Variants in TINAG observed in about 807,000 individuals in gnomAD.
The protein encoded by TINAG is tubulointerstitial nephritis antigen.
TINAG carries 83 observed loss-of-function variants against 72.7 expected under a neutral mutation model. The observed-to-expected ratio is 1.14, with a 90% CI of 0.96 to 1.37. The LOEUF (loss-of-function observed/expected upper bound fraction) is 1.37, where lower values mean the gene tolerates loss of function less well. Ranked by LOEUF, TINAG falls within the 40% of genes most tolerant of loss-of-function variation. The pLI is 0.00. For missense variants in TINAG, 685 were observed against 576.6 expected, an observed-to-expected ratio of 1.19 and a Z score of -1.93; for synonymous variants, 234 against 189.9, an observed-to-expected ratio of 1.23 and a Z score of -1.91.
chr6:54,359,332 G>A (rs1483073659), intron 9 of TINAG, among the ~76,000 whole-genome samples: 1 of 151,446 alleles, frequency 6.6e-6, no homozygotes, highest in Non-Finnish European at 1.5e-5. Context: ...CCAATCTAGG[G>A]GCTTCCTTGA....
intron 2 of TINAG, 33 bp downstream of exon 2, chr6:54,320,675 T>C: frequency 6.5e-7 from 1 of 1,531,958 alleles, no homozygotes; most frequent in Non-Finnish European, 8.9e-7. Context: ...AACTGAGTTC[T>C]ACTGTGTGTG....
intron 1 of TINAG, among the ~76,000 whole-genome samples, chr6:54,310,583 C>CTTCT (rs371951227): frequency 1.4e-5 from 2 of 141,702 alleles, no homozygotes; most frequent in East Asian, 4.2e-4. Flanking sequence ...TCTTTCTTCT[C>CTTCT]TTCTTTCTTT....
intron 9 of TINAG, among the ~76,000 whole-genome samples, chr6:54,358,151 G>A (rs897618157): frequency 2.6e-5 from 4 of 151,668 alleles, no homozygotes; most frequent in African/African-American, 9.7e-5. Context: ...CCAGTCTCTG[G>A]TCAGGTCTCA....
intron 9 of TINAG, among the ~76,000 whole-genome samples, chr6:54,364,125 A>G (rs9296754): frequency 0.67 from 100,797 of 151,174 alleles, 34,413 homozygotes; most frequent in Non-Finnish European, 0.74. Flanking sequence ...GATAGTTTGT[A>G]ATGGTCATCT....
intron 10 of TINAG, among the ~76,000 whole-genome samples, chr6:54,388,983 C>T (rs1764175001): frequency 6.6e-6 from 1 of 152,100 alleles, no homozygotes; most frequent in Admixed American, 6.6e-5. Flanking sequence ...ATAATGTAAT[C>T]ACAGTATGAA....
Position 54,371,981 on chromosome 6 carries a change from G to GTTTTTTTTTT in TINAG, c.1251-8527_1251-8518dup, listed in dbSNP as rs576340253. Among the ~76,000 whole-genome samples the GTTTTTTTTTT allele has an allele frequency of 1.1e-4, 8 of 71,432 alleles. 1 individual carries two copies. Among genetic ancestry groups the GTTTTTTTTTT allele is most frequent in the East Asian group, 4.4e-4 (1 of 2,252 alleles). The allele number at this position is 71,432 out of a possible 152,430, so 46.9% of individuals were successfully genotyped here. A position where few individuals can be genotyped will look rare whatever the true frequency, so the allele number is the denominator to read the frequency against. On this transcript the variant is annotated intron_variant, in intron 9 of 10. Transcript: ENST00000259782. ...GTTTATAAAATGGCTTTCAAGTCAT[G>GTTTTTTTTTT]TTTTTTTTTTTTTTTTTTTTTTTTT...
intron 9 of TINAG, among the ~76,000 whole-genome samples, chr6:54,362,120 G>T (rs141207296): frequency 8.9e-4 from 135 of 151,806 alleles, no homozygotes; most frequent in African/African-American, 3.1e-3. Flanking sequence ...ATCTAACTAA[G>T]ATAATTGATG....
intron 10 of TINAG, among the ~76,000 whole-genome samples, chr6:54,384,085 C>T (rs1465638955): frequency 6.6e-6 from 1 of 152,086 alleles, no homozygotes; most frequent in Non-Finnish European, 1.5e-5. Flanking sequence ...CCATCATTCT[C>T]AGCAAACTAA....
chr6:54,347,232 T>C (rs893048105), intron 5 of TINAG, 135 bp from the exon 6 acceptor site: 2 of 810,444 alleles, frequency 2.5e-6, no homozygotes, highest in African/African-American at 3.5e-5. Context: ...ATAAATATAT[T>C]AATGCTCTTT....
At chr6:54,309,853 A>AC (rs1784198504) in intron 1 of TINAG, among the ~76,000 whole-genome samples, 1 of 151,880 alleles carries the variant, frequency 6.6e-6, no homozygotes, top group Admixed American at 6.6e-5. Context: ...TCAAAAAAAA[A>AC]AAAAAAATCC....
At chr6:54,311,460 G>A (rs952688999) in intron 1 of TINAG, among the ~76,000 whole-genome samples, 1 of 152,190 alleles carries the variant, frequency 6.6e-6, no homozygotes, top group African/African-American at 2.4e-5. Context: ...AGTCTTGCCA[G>A]ATGGCTCTCA....
At chr6:54,340,790 TC>T (rs1222535532) in intron 4 of TINAG, among the ~76,000 whole-genome samples, 1 of 152,154 alleles carries the variant, frequency 6.6e-6, no homozygotes, top group Non-Finnish European at 1.5e-5. Flanking sequence ...TATTGCCTTG[TC>T]TTATTGAGAC....
At chr6:54,371,408 T>C (rs1206172506) in intron 9 of TINAG, among the ~76,000 whole-genome samples, 1 of 152,076 alleles carries the variant, frequency 6.6e-6, no homozygotes, top group African/African-American at 2.4e-5. Context: ...GCTCACTTTA[T>C]ACTTTCTTTA....
At chr6:54,347,774 G>C (rs186397318) in intron 6 of TINAG, among the ~76,000 whole-genome samples, 8 of 151,984 alleles carry the variant, frequency 5.3e-5, no homozygotes, top group African/African-American at 1.9e-4. Flanking sequence ...GAAGACTCAA[G>C]TAAATATTTT....
chr6:54,345,410 AT>A (rs1785097026), intron 5 of TINAG, among the ~76,000 whole-genome samples: 1 of 152,122 alleles, frequency 6.6e-6, no homozygotes, highest in Admixed American at 6.6e-5. Context: ...AGCCTCCAGT[AT>A]TATAAACGAG....
rs149769115 is a variant in TINAG at position 54,389,887 on chromosome 6, G to C, written c.1393G>C (p.Ala465Pro). The change falls in exon 11 of 11, where the codon GCA (alanine) becomes CCA (proline). Residue 465 changes from alanine (A) to proline (P), a missense_variant. Transcript: ENST00000259782. ...GTCCGACATTGAAAAGTTGATTATC[G>C]CAGCTTGGGGCCAACTGACGAGTTC... ...NESDIEKLII[A>P]AWGQLTSSDE... 1 of 1,610,568 alleles carries C rather than the reference G, an allele frequency of 6.2e-7. No individual in the cohort carries two copies. The highest frequency in any genetic ancestry group is 8.5e-7 in the Non-Finnish European group (1 of 1,178,522).
At chr6:54,368,841 C>T (rs1763516995) in intron 9 of TINAG, among the ~76,000 whole-genome samples, 1 of 151,390 alleles carries the variant, frequency 6.6e-6, no homozygotes, top group African/African-American at 2.4e-5. Context: ...CTATTAAGTA[C>T]CGTGCATTTT....
At chr6:54,310,282 G>T (rs1258812458) in intron 1 of TINAG, among the ~76,000 whole-genome samples, 2 of 151,786 alleles carry the variant, frequency 1.3e-5, no homozygotes, top group Non-Finnish European at 2.9e-5. Context: ...GTGGGGTCTT[G>T]CTATGTTGCC....
chr6:54,365,122 A>C (rs1763367850), intron 9 of TINAG, among the ~76,000 whole-genome samples: 1 of 151,544 alleles, frequency 6.6e-6, no homozygotes, highest in Non-Finnish European at 1.5e-5. Context: ...AGAGGTTCTT[A>C]ATGCATGGGG....
Sources: allele counts gnomAD v4.1 joint callset (sites outside exome capture counted in the v4.1 genomes callset), GRCh38; gene constraint gnomAD v4.1.1; transcripts MANE v1.5; gene names NCBI Gene and HGNC (gene_info 2026-07-23, HGNC 2026-07-21).